Variants in PLSCR2 observed in about 807,000 individuals in gnomAD.
The protein encoded by PLSCR2 is PL scramblase 2.
PLSCR2 carries 18 observed loss-of-function variants against 25.3 expected under a neutral mutation model. The observed-to-expected ratio is 0.71, with a 90% CI of 0.49 to 1.06. The LOEUF is 1.06. Ranked by LOEUF, PLSCR2 falls within the 50% of genes least tolerant of loss-of-function variation. PLSCR2 has a pLI of 0.00. For missense variants in PLSCR2, 243 were observed against 269.5 expected (o/e 0.90, Z 0.69); for synonymous variants, 88 against 87.3 (o/e 1.01, Z -0.04).
intron 2 of PLSCR2, 67 bp downstream of exon 2, chr3:146,459,781 A>T: frequency 8.8e-7 from 1 of 1,131,756 alleles, no homozygotes; most frequent in Non-Finnish European, 1.3e-6. Flanking sequence ...AACCATAATT[A>T]CTATGGTTCA....
chr3:146,469,175 T>C (rs1266237748), intron 1 of PLSCR2: 4 of 985,434 alleles, frequency 4.1e-6, no homozygotes, highest in Non-Finnish European at 4.8e-6. Context: ...CACATGCTCC[T>C]GAGCCCAGAC....
At chr3:146,489,727 C>T (rs2043475504) in intron 1 of PLSCR2, among the ~76,000 whole-genome samples, 1 of 152,046 alleles carries the variant, frequency 6.6e-6, no homozygotes, top group Non-Finnish European at 1.5e-5. Flanking sequence ...AATCTTCTGA[C>T]CTTGTGATCT....
chr3:146,418,001 G>T (rs1226555525), intron 2 of PLSCR2, among the ~76,000 whole-genome samples: 1 of 151,942 alleles, frequency 6.6e-6, no homozygotes, highest in Non-Finnish European at 1.5e-5. Flanking sequence ...CTCTTTTCTA[G>T]TTTTACCTTC....
chr3:146,392,987 G>A (rs1283040152), intron 3 of PLSCR2, among the ~76,000 whole-genome samples: 1 of 115,536 alleles, frequency 8.7e-6, no homozygotes, highest in Non-Finnish European at 1.9e-5. Context: ...TAAATTTTTT[G>A]TTACGGCTTT....
At chr3:146,476,285 C>T (rs2042280766) in intron 1 of PLSCR2, among the ~76,000 whole-genome samples, 1 of 152,162 alleles carries the variant, frequency 6.6e-6, no homozygotes, top group Admixed American at 6.5e-5. Flanking sequence ...CACCTGAGAG[C>T]CACATGGGGC....
chr3:146,476,631 G>A (rs2042293949), intron 1 of PLSCR2, among the ~76,000 whole-genome samples: 1 of 152,206 alleles, frequency 6.6e-6, no homozygotes, highest in African/African-American at 2.4e-5. Context: ...CTACTGGGAG[G>A]AAAGGGCAGT....
At position 146,495,033 on chromosome 3, in the gene PLSCR2, C is replaced by G. The variant is rs974287148; in HGVS notation, c.-293+862G>C. ...GAGCTATAAAGTGAATCCAGGTATC[C>G]TAAAGAAGAGGAATGGCAGGAATAG... is the stretch of plus-strand genomic sequence containing the variant. On this transcript the variant is annotated intron_variant, in intron 1 of 8. Transcript: ENST00000336685. 2.6e-5 allele frequency: 4 copies of G among 152,148 alleles called. No individual in the cohort carries two copies. In the Middle Eastern group the frequency reaches 0.01, roughly 391 times the overall value. The allele number at this position is 152,148 out of a possible 1,614,324, so 9.4% of individuals were successfully genotyped here.
chr3:146,483,394 C>A (rs917776992), intron 1 of PLSCR2, among the ~76,000 whole-genome samples: 1 of 127,862 alleles, frequency 7.8e-6, no homozygotes, highest in Non-Finnish European at 1.6e-5. Context: ...AACAAATCTG[C>A]ATGTTGTACA....
At chr3:146,464,742 T>C, upstream of PLSCR2, among the ~76,000 whole-genome samples, 1 of 152,194 alleles carries the variant, frequency 6.6e-6, no homozygotes, top group Admixed American at 6.5e-5. Flanking sequence ...ATATACTATA[T>C]ACACATTAGT....
intron 2 of PLSCR2, among the ~76,000 whole-genome samples, chr3:146,407,187 G>A (rs759323044): frequency 3.3e-5 from 5 of 152,206 alleles, no homozygotes; most frequent in Admixed American, 2.6e-4. Context: ...CTCTGGGGTC[G>A]ATTGGCACAA....
intron 1 of PLSCR2, among the ~76,000 whole-genome samples, chr3:146,473,393 C>T (rs558292141): frequency 5.3e-5 from 8 of 150,916 alleles, no homozygotes; most frequent in Non-Finnish European, 1.2e-4. Flanking sequence ...CAGCAACCTC[C>T]ACCTCCCAGG....
intron 2 of PLSCR2, among the ~76,000 whole-genome samples, chr3:146,406,422 C>G (rs188249883): frequency 2.0e-5 from 3 of 151,998 alleles, no homozygotes; most frequent in African/African-American, 7.2e-5. Context: ...TTTGTGGGTA[C>G]GGGCTGGCTC....
At chr3:146,409,357 C>T (rs145277495) in intron 2 of PLSCR2, among the ~76,000 whole-genome samples, 179 of 152,018 alleles carry the variant, frequency 1.2e-3, no homozygotes, top group Middle Eastern at 0.01. Flanking sequence ...AGACTCTTCT[C>T]GTCTTCAGAG....
At chr3:146,483,774 C>T (rs1576739258) in intron 1 of PLSCR2, among the ~76,000 whole-genome samples, 1 of 151,504 alleles carries the variant, frequency 6.6e-6, no homozygotes, top group Non-Finnish European at 1.5e-5. Context: ...CACAAAACCC[C>T]ATCTAAAGGT....
At chr3:146,393,661 T>A (rs1164546928) in intron 3 of PLSCR2, among the ~76,000 whole-genome samples, 1 of 151,728 alleles carries the variant, frequency 6.6e-6, no homozygotes, top group African/African-American at 2.4e-5. Context: ...CTACAAAAAT[T>A]AGCTGGGCGT....
chr3:146,445,315 ACT>A (rs2040484801), intron 6 of PLSCR2, among the ~76,000 whole-genome samples: 1 of 152,156 alleles, frequency 6.6e-6, no homozygotes, highest in Non-Finnish European at 1.5e-5. Context: ...AGATTGAAGA[ACT>A]TCCTTTAGTA....
In PLSCR2 at chr3:146,483,271, C is replaced by T. The variant is rs528791104; in HGVS notation, c.-293+12624G>A. On this transcript the variant is annotated intron_variant, in intron 1 of 8. Coordinates refer to the PLSCR2 transcript ENST00000336685. ...TCGTAGGTGGGAATTGAACAATGAACGTGGTGAACGGGGGGTGGGGGGCTG... is the reference window on the plus strand; with the variant it reads ...TCGTAGGTGGGAATTGAACAATGAATGTGGTGAACGGGGGGTGGGGGGCTG... Among the ~76,000 whole-genome samples, 24 of 78,610 alleles carry T rather than the reference C, an allele frequency of 3.1e-4. 1 individual carries two copies. Among genetic ancestry groups the T allele is most frequent in the East Asian group, 1.2e-3 (3 of 2,410 alleles). 51.6% of individuals were successfully genotyped at this position (78,610 alleles called of 152,430 possible).
At chr3:146,398,841 T>C (rs2038364916) in intron 2 of PLSCR2, 1 of 152,288 alleles carries the variant, frequency 6.6e-6, no homozygotes, top group Non-Finnish European at 1.5e-5. Context: ...ATTGAAAATA[T>C]AATATTGATC....
intron 1 of PLSCR2, among the ~76,000 whole-genome samples, chr3:146,492,171 T>C (rs1436978686): frequency 2.0e-5 from 3 of 152,184 alleles, no homozygotes; most frequent in Non-Finnish European, 4.4e-5. Flanking sequence ...TTCAGTTGTA[T>C]GTGCTGGCCC....
Sources: gnomAD v4.1 joint callset for allele counts (sites outside exome capture counted in the v4.1 genomes callset) on GRCh38, gnomAD v4.1.1 for gene constraint, MANE v1.5 for transcripts, NCBI Gene and HGNC (gene_info 2026-07-23, HGNC 2026-07-21) for gene names.